PREX2: variants seen among roughly 807,000 people sequenced by gnomAD.
PREX2 encodes phosphatidylinositol 3,4,5-trisphosphate-dependent Rac exchanger 2 protein.
A neutral mutation model predicts 203.2 loss-of-function variants in PREX2; 107 were observed. The ratio of observed to expected loss-of-function variants is 0.53; its 90% CI spans 0.45 to 0.62. The LOEUF is 0.62. PREX2 is among the 20% of genes least tolerant of loss of function. The pLI, the probability that PREX2 is intolerant of heterozygous loss-of-function variation, is 0.00. For synonymous variants in PREX2, 672 were observed against 663.6 expected, an observed-to-expected ratio of 1.01 and a Z score of -0.19; for missense variants, 1,777 against 1,955.9, an observed-to-expected ratio of 0.91 and a Z score of 1.72.
At chr8:68,179,995 T>G (rs1812054735) in intron 35 of PREX2, among the ~76,000 whole-genome samples, 1 of 152,162 alleles carries the variant, frequency 6.6e-6, no homozygotes, top group African/African-American at 2.4e-5. Flanking sequence ...TTTCTCCTCT[T>G]CCCACCTTTT....
chr8:67,978,282 TC>T (rs1313836748), intron 1 of PREX2, among the ~76,000 whole-genome samples: 3 of 152,108 alleles, frequency 2.0e-5, no homozygotes, highest in African/African-American at 7.2e-5. Context: ...GAGTTTTTTT[TC>T]CCCATATCCT....
intron 12 of PREX2, among the ~76,000 whole-genome samples, chr8:68,069,575 A>G (rs1217319768): frequency 3.9e-5 from 2 of 51,222 alleles, no homozygotes; most frequent in Admixed American, 1.7e-4. Context: ...TTATATTTTA[A>G]GAAACATAAT....
intron 1 of PREX2, among the ~76,000 whole-genome samples, chr8:67,961,147 T>C (rs967415469): frequency 2.6e-5 from 4 of 151,992 alleles, no homozygotes; most frequent in Non-Finnish European, 5.9e-5. Flanking sequence ...TTAAACAGCA[T>C]TTTCTTAACA....
At chr8:68,012,961 C>A (rs891541947) in intron 1 of PREX2, among the ~76,000 whole-genome samples, 7 of 152,184 alleles carry the variant, frequency 4.6e-5, no homozygotes, top group African/African-American at 1.2e-4. Context: ...TATGTGCTAT[C>A]CTATATTCCA....
chr8:67,955,216 A>G (rs1027487907), intron 1 of PREX2, among the ~76,000 whole-genome samples: 4 of 150,308 alleles, frequency 2.7e-5, no homozygotes, highest in Non-Finnish European at 4.4e-5. Flanking sequence ...AATCTTTCCT[A>G]TTTCTGAGCC....
At chr8:68,224,666 G>A (rs749894832) in intron 39 of PREX2, 40 bp downstream of exon 39, 2 of 1,517,984 alleles carry the variant, frequency 1.3e-6, no homozygotes, top group South Asian at 2.3e-5. Flanking sequence ...CGAAAGATTT[G>A]CCAGCATTTT....
Position 68,087,854 on chromosome 8 carries a change from G to A in PREX2, c.2113+45G>A, listed in dbSNP as rs751294351. On this transcript the variant is annotated intron_variant, in intron 19 of 39. Transcript: ENST00000288368. ...GGGAAACAGCTTTCCAGCAGGTTTG[G>A]GATGTGCCCGATGGAACAGGAATGT... The A allele has an allele frequency of 9.6e-5, 120 of 1,249,036 alleles. No homozygotes were observed. The East Asian group carries it at 2.7e-3, about 28-fold the overall frequency. The allele number at this position is 1,249,036 out of a possible 1,614,324, so 77.4% of individuals were successfully genotyped here. A position where few individuals can be genotyped will look rare whatever the true frequency, so the allele number is the denominator to read the frequency against.
intron 6 of PREX2, among the ~76,000 whole-genome samples, chr8:68,031,006 G>C (rs1807867810): frequency 6.6e-6 from 1 of 152,096 alleles, no homozygotes; most frequent in Non-Finnish European, 1.5e-5. Flanking sequence ...AGAAGGGAAG[G>C]AAAGTTCAGT....
chr8:68,136,924 G>C (rs79064649), intron 32 of PREX2, among the ~76,000 whole-genome samples: 1 of 134,624 alleles, frequency 7.4e-6, no homozygotes, highest in East Asian at 2.2e-4. Flanking sequence ...TTTTTTTTTT[G>C]AGACAGAGTC....
At chr8:68,055,460 A>AT (rs11422077) in intron 9 of PREX2, among the ~76,000 whole-genome samples, 86,758 of 151,274 alleles carry the variant, frequency 0.57, 26,348 homozygotes, top group African/African-American at 0.78. Context: ...ATATTGCATT[A>AT]TTTTTTTTCT....
intron 8 of PREX2, among the ~76,000 whole-genome samples, chr8:68,047,636 C>T (rs1487727947): frequency 2.0e-5 from 3 of 151,040 alleles, no homozygotes; most frequent in African/African-American, 7.3e-5. Context: ...ATGATTCTCT[C>T]AACTCAGCCT....
intron 38 of PREX2, 56 bp downstream of exon 38, chr8:68,217,774 T>C: frequency 7.9e-7 from 1 of 1,273,190 alleles, no homozygotes; most frequent in Admixed American, 1.9e-5. Flanking sequence ...ACTTGAAGAT[T>C]CCTTTGTTCA....
intron 35 of PREX2, among the ~76,000 whole-genome samples, chr8:68,174,865 C>T (rs971556530): frequency 5.9e-5 from 9 of 152,188 alleles, no homozygotes; most frequent in Admixed American, 2.0e-4. Context: ...ATCATGATGA[C>T]TTAGCAGACG....
At chr8:68,007,149 TAGA>T (rs1807120412) in intron 1 of PREX2, among the ~76,000 whole-genome samples, 1 of 152,232 alleles carries the variant, frequency 6.6e-6, no homozygotes, top group Non-Finnish European at 1.5e-5. Flanking sequence ...GTGAAGTATG[TAGA>T]AGTATTTATG....
At chr8:68,116,382 G>A (rs528913034) in intron 26 of PREX2, among the ~76,000 whole-genome samples, 16 of 152,028 alleles carry the variant, frequency 1.1e-4, no homozygotes, top group African/African-American at 2.4e-4. Flanking sequence ...TGCCTACCTC[G>A]GAGACAAGGC....
chr8:68,226,793 G>A (rs1813064615), intron 39 of PREX2, among the ~76,000 whole-genome samples: 3 of 152,214 alleles, frequency 2.0e-5, no homozygotes, highest in Admixed American at 6.5e-5. Flanking sequence ...GATGGAAATA[G>A]GCATAGATTG....
intron 39 of PREX2, among the ~76,000 whole-genome samples, chr8:68,230,959 C>G (rs923576959): frequency 6.6e-6 from 1 of 152,070 alleles, no homozygotes; most frequent in Non-Finnish European, 1.5e-5. Flanking sequence ...CATCTTGCTA[C>G]AAAATAATCA....
chr8:68,094,120 G>A (rs1418920125), intron 21 of PREX2, among the ~76,000 whole-genome samples: 2 of 152,174 alleles, frequency 1.3e-5, no homozygotes, highest in African/African-American at 4.8e-5. Flanking sequence ...GTGTTGTTTA[G>A]ACCTGGCCTC....
intron 1 of PREX2, among the ~76,000 whole-genome samples, chr8:67,968,615 C>A (rs1585662208): frequency 6.6e-6 from 1 of 152,166 alleles, no homozygotes; most frequent in Non-Finnish European, 1.5e-5. Context: ...GGAGACCTTT[C>A]TGTGGCTCAT....
Sources: gnomAD v4.1 joint callset for allele counts (sites outside exome capture counted in the v4.1 genomes callset) on GRCh38, gnomAD v4.1.1 for gene constraint, MANE v1.5 for transcripts, NCBI Gene and HGNC (gene_info 2026-07-23, HGNC 2026-07-21) for gene names.